DSC3: variants seen among roughly 807,000 people sequenced by gnomAD.
The protein encoded by DSC3 is desmocollin-3.
A neutral mutation model predicts 89.5 loss-of-function variants in DSC3; 97 were observed. That is an observed-to-expected ratio of 1.08 (90% CI 0.92 to 1.28). The LOEUF is 1.28. Among genes scored for constraint, DSC3 ranks in the 50% most tolerant of loss-of-function variants. The pLI, the probability that DSC3 is intolerant of heterozygous loss-of-function variation, is 0.00. For synonymous variants in DSC3, 436 were observed against 384.1 expected (o/e 1.14, Z -1.58); for missense variants, 1,199 against 1,085.3 (o/e 1.10, Z -1.47).
rs1401897841 is a variant in DSC3, at chr18:31,042,713, C to G, written c.-53G>C. 2 of 1,497,460 alleles carry G rather than the reference C, an allele frequency of 1.3e-6. No individual in the cohort carries two copies. Among genetic ancestry groups the G allele is most frequent in the African/African-American group, 1.4e-5 (1 of 71,844 alleles). 92.8% of individuals were successfully genotyped at this position (1,497,460 alleles called of 1,614,324 possible). On this transcript the variant is annotated 5_prime_UTR_variant, in exon 1 of 16. Coordinates refer to ENST00000360428, the MANE Select transcript of DSC3 (RefSeq NM_001941.5). ...GCGGGCGCCGGGAGGGTGCCGAGAG[C>G]GAGACCTGCCGAGGTGCAGGGCGCG... is the stretch of plus-strand genomic sequence containing the variant.
At position 31,007,081 on chromosome 18, in the gene DSC3, C is replaced by G; in HGVS notation, c.1714G>C (p.Asp572His). Residue 572 changes from aspartate to histidine, a missense_variant, in exon 12 of 16, where the codon GAT (aspartate) becomes CAT (histidine). Coordinates refer to ENST00000360428, the MANE Select transcript of DSC3 (RefSeq NM_001941.5). ...TCTTGAAGTATTTCTGGTGGATTATCATTTACATCTTCAATGTTCACAGCA... is the reference window on the plus strand; with the variant it reads ...TCTTGAAGTATTTCTGGTGGATTATGATTTACATCTTCAATGTTCACAGCA... ...TLAVNIEDVN[D>H]NPPEILQEYV... 1.2e-6 allele frequency: 2 copies of G among 1,613,872 alleles called. No homozygotes were observed. The highest frequency in any genetic ancestry group is 1.7e-6 in the Non-Finnish European group (2 of 1,179,908).
chr18:31,021,698 A>T (rs1032857793), intron 7 of DSC3, among the ~76,000 whole-genome samples: 2 of 152,200 alleles, frequency 1.3e-5, no homozygotes, highest in African/African-American at 2.4e-5. Context: ...AAAACTAAAG[A>T]TAAGATTCAG....
At position 31,018,213 on chromosome 18, in the gene DSC3, A is replaced by G. The variant is rs1218043918; in HGVS notation, c.1121T>C (p.Leu374Ser). The G allele has an allele frequency of 6.2e-7, 1 of 1,612,070 alleles. No homozygotes were observed. Among genetic ancestry groups the G allele is most frequent in the Non-Finnish European group, 8.5e-7 (1 of 1,179,144 alleles). Reference sequence around the variant, plus strand: ...ATCCTTATCTTCTATAGGTATTCGTAAGATTTCCACATTGAATGCATTTTC... The same window carrying G: ...ATCCTTATCTTCTATAGGTATTCGTGAGATTTCCACATTGAATGCATTTTC... ...VEENAFNVEI[L>S]RIPIEDKDLI... The change falls in exon 9 of 16, where the codon TTA (leucine) becomes TCA (serine). Residue 374 changes from leucine to serine, a missense_variant. Physicochemically the swap from Leu to Ser is moderately radical, Grantham distance 145. Transcript: ENST00000360428.
chr18:31,003,590 G>C (rs1984738217), intron 13 of DSC3, among the ~76,000 whole-genome samples: 3 of 152,162 alleles, frequency 2.0e-5, no homozygotes, highest in Admixed American at 2.0e-4. Flanking sequence ...TGGCTTACAA[G>C]CAATGAAGTT....
rs1159906159 is a variant in DSC3 at position 30,989,587 on chromosome 18, T to C, written c.*4588A>G. Among the ~76,000 whole-genome samples, 3 of 152,220 alleles carry C rather than the reference T, an allele frequency of 2.0e-5. No homozygotes were observed. The highest frequency in any genetic ancestry group is 1.3e-4 in the Admixed American group (2 of 15,288). Reference sequence around the variant, plus strand: ...CACTGAATTATACACTTTAAAATGGTGAAAATGATGAATTTTAACCATTCA... The same window carrying C: ...CACTGAATTATACACTTTAAAATGGCGAAAATGATGAATTTTAACCATTCA... On this transcript the variant is annotated 3_prime_UTR_variant, in exon 16 of 16. Coordinates refer to ENST00000360428, the MANE Select transcript of DSC3 (RefSeq NM_001941.5).
rs1408669903 is a variant in DSC3 at position 31,008,276 on chromosome 18, C to T, written c.1513G>A (p.Gly505Ser). The T allele has an allele frequency of 4.3e-6, 7 of 1,613,848 alleles. No individual in the cohort carries two copies. The East Asian group carries it at 8.9e-5, about 21-fold the overall frequency. Residue 505 changes from glycine to serine, a missense_variant, in exon 10 of 16, where the codon GGT becomes AGT. Gly to Ser is a moderately conservative substitution (Grantham distance 56). Coordinates refer to ENST00000360428, the MANE Select transcript of DSC3 (RefSeq NM_001941.5). ...AYDPENRNGN[G>S]LRYKKLHDPK... ...TTATAGATTTATTTTTACCTTAAACCATTGCCATTTCTATTTTCGGGGTCA... is the reference window on the plus strand; with the variant it reads ...TTATAGATTTATTTTTACCTTAAACTATTGCCATTTCTATTTTCGGGGTCA...
chr18:31,024,188 T>C (rs1414732885), intron 6 of DSC3, among the ~76,000 whole-genome samples, 161 bp downstream of exon 6: 1 of 152,168 alleles, frequency 6.6e-6, no homozygotes, highest in East Asian at 1.9e-4. Flanking sequence ...GCAAGGCACA[T>C]GTTGATTGAA....
At chr18:31,001,829 G>A in intron 13 of DSC3, 90 bp from the exon 14 acceptor site, 1 of 1,096,862 alleles carries the variant, frequency 9.1e-7, no homozygotes. Flanking sequence ...AAGGATCAAA[G>A]TGGAAAATAA....
At chr18:31,026,009 G>T in intron 4 of DSC3, 94 bp from the exon 5 acceptor site, 4 of 1,210,448 alleles carry the variant, frequency 3.3e-6, no homozygotes, top group Non-Finnish European at 4.7e-6. Context: ...ATTTTAAAGA[G>T]ATAATTTCAA....
intron 9 of DSC3, among the ~76,000 whole-genome samples, chr18:31,016,564 C>A (rs1422636329): frequency 6.6e-6 from 1 of 152,208 alleles, no homozygotes; most frequent in Non-Finnish European, 1.5e-5. Flanking sequence ...TACACCACAG[C>A]CCCTCAGCCA....
At chr18:31,017,329 A>C (rs276912) in intron 9 of DSC3, among the ~76,000 whole-genome samples, 77,629 of 151,896 alleles carry the variant, frequency 0.51, 20,705 homozygotes, top group East Asian at 0.88. Context: ...GCCTCTTTCA[A>C]TCAATGAATG....
At position 31,008,140 on chromosome 18, in the gene DSC3, A is replaced by G. The variant is rs200118808; in HGVS notation, c.1539T>C (p.Asp513=). The G allele has an allele frequency of 1.2e-6, 2 of 1,612,022 alleles. No homozygotes were observed. Among genetic ancestry groups the G allele is most frequent in the Non-Finnish European group, 1.7e-6 (2 of 1,178,838 alleles). Residue 513 remains aspartate, a synonymous_variant, in exon 11 of 16, where the codon GAT becomes GAC. Coordinates refer to ENST00000360428, the MANE Select transcript of DSC3 (RefSeq NM_001941.5). ...GNGLRYKKLH[D]PKGWITIDEI... is the part of the protein sequence containing the mutation. Reference sequence around the variant, plus strand: ...CATCAATGGTGATCCAACCTTTAGGATCATGCAATTTTTTGTACCTGTTAA... The same window carrying G: ...CATCAATGGTGATCCAACCTTTAGGGTCATGCAATTTTTTGTACCTGTTAA...
Position 30,996,904 on chromosome 18 carries a change from C to T in DSC3, c.2380G>A (p.Gly794Arg). ...TCCAGGGTATGATGATGCCCAGCCC[C>T]CCGGCAGGATTCCAAGGTCTGGTTT... Reference protein sequence around the residue: ...GGNQTLESCRGAGHHHTLDSC... With the variant: ...GGNQTLESCRRAGHHHTLDSC... Residue 794 changes from glycine (G) to arginine (R), a missense_variant, in exon 15 of 16, where the codon GGG becomes AGG. Gly to Arg is a moderately radical substitution (Grantham distance 125, BLOSUM62 -2). Transcript: ENST00000360428. The T allele has an allele frequency of 6.2e-7, 1 of 1,613,978 alleles. No individual in the cohort carries two copies. The highest frequency in any genetic ancestry group is 1.3e-5 in the African/African-American group (1 of 74,968).
At chr18:31,034,954 C>A (rs1985924082) in intron 1 of DSC3, among the ~76,000 whole-genome samples, 1 of 152,028 alleles carries the variant, frequency 6.6e-6, no homozygotes, top group South Asian at 2.1e-4. Context: ...TAAATTATAT[C>A]TCAATAATGC....
intron 12 of DSC3, among the ~76,000 whole-genome samples, chr18:31,006,366 T>A (rs758788898): frequency 2.6e-5 from 4 of 152,066 alleles, no homozygotes; most frequent in Non-Finnish European, 5.9e-5. Flanking sequence ...TGGCACCATC[T>A]CTCAGCTCAC....
chr18:31,032,591 CGTGT>C (rs761820426), intron 1 of DSC3, among the ~76,000 whole-genome samples: 8,483 of 111,726 alleles, frequency 0.076, 310 homozygotes, highest in African/African-American at 0.11. Context: ...TGTGTGTGTG[CGTGT>C]GCGTGTGCGT....
intron 6 of DSC3, among the ~76,000 whole-genome samples, chr18:31,023,707 T>A (rs186360493): frequency 1.1e-4 from 16 of 152,168 alleles, no homozygotes; most frequent in African/African-American, 3.6e-4. Flanking sequence ...TTGTGAGGGG[T>A]TATTCTCCAT....
intron 5 of DSC3, among the ~76,000 whole-genome samples, chr18:31,024,969 C>T (rs1187445925): frequency 6.6e-6 from 1 of 152,030 alleles, no homozygotes; most frequent in Non-Finnish European, 1.5e-5. Context: ...ACTAGTTTCC[C>T]CATTGCTGAG....
At position 31,008,003 on chromosome 18, in the gene DSC3, A is replaced by AC; in HGVS notation, c.1663+12dup. ...TTCCTTTATAGAATACCAGATTAAAACTTTTTTTTTACCTTTGTCTATTGC... is the reference window on the plus strand; with the variant it reads ...TTCCTTTATAGAATACCAGATTAAAACCTTTTTTTTTACCTTTGTCTATTGC... On this transcript the variant is annotated intron_variant, in intron 11 of 15. Coordinates refer to ENST00000360428, the MANE Select transcript of DSC3 (RefSeq NM_001941.5). 3 of 1,606,312 alleles carry AC rather than the reference A, an allele frequency of 1.9e-6. 1 individual carries two copies. In the East Asian group the frequency reaches 6.7e-5, roughly 36 times the overall value.
Sources: gnomAD v4.1 joint callset for allele counts (sites outside exome capture counted in the v4.1 genomes callset) on GRCh38, gnomAD v4.1.1 for gene constraint, MANE v1.5 for transcripts, NCBI Gene and HGNC (gene_info 2026-07-23, HGNC 2026-07-21) for gene names.